The following RAI1 variants were observed in gnomAD, a reference collection of about 807,000 sequenced individuals.
The protein encoded by RAI1 is retinoic acid-induced protein 1.
RAI1 carries 9 observed loss-of-function variants against 123.8 expected under a neutral mutation model. The observed-to-expected ratio is 0.07, with a 90% CI of 0.04 to 0.13. The LOEUF (loss-of-function observed/expected upper bound fraction) is 0.13, where lower values mean the gene tolerates loss of function less well. Among genes scored for constraint, RAI1 ranks in the 10% least tolerant of loss-of-function variants. The pLI, the probability that RAI1 is intolerant of heterozygous loss-of-function variation, is 1.00. For synonymous variants in RAI1, 1,231 were observed against 1,127.3 expected (o/e 1.09, Z -1.84); for missense variants, 2,256 against 2,545.8 (o/e 0.89, Z 2.45).
At chr17:17,694,667 C>T (rs1206151999) in intron 1 of RAI1, among the ~76,000 whole-genome samples, 1 of 151,678 alleles carries the variant, frequency 6.6e-6, no homozygotes, top group Non-Finnish European at 1.5e-5. Flanking sequence ...GGAGCCTCCT[C>T]CGCGGTGGCG....
intron 4 of RAI1, among the ~76,000 whole-genome samples, chr17:17,807,886 G>A (rs2032625795): frequency 6.6e-6 from 1 of 152,202 alleles, no homozygotes; most frequent in African/African-American, 2.4e-5. Flanking sequence ...GCCCTGAATG[G>A]CAGTTTCCAG....
Position 17,794,875 on chromosome 17 carries a change from C to T in RAI1, c.1927C>T (p.Leu643=). ...GGACAGCAGCAAGCCACCCTTCTCG[C>T]TGGAGAACCACAGCGCCTGCCTGGA... ...VKDSSKPPFS[L]ENHSACLDSV... The change falls in exon 3 of 6, where the codon CTG becomes TTG. Residue 643 remains leucine (L), a synonymous_variant. Coordinates refer to ENST00000353383, the MANE Select transcript of RAI1 (RefSeq NM_030665.4). 6.2e-7 allele frequency: 1 copy of T among 1,613,370 alleles called. No individual in the cohort carries two copies. The highest frequency in any genetic ancestry group is 8.5e-7 in the Non-Finnish European group (1 of 1,179,974).
At position 17,792,967 on chromosome 17, in the gene RAI1, A is replaced by G. The variant is rs201842299; in HGVS notation, c.19A>G (p.Arg7Gly). MQSFRE[R>G]CGFHGKQQNY... ...CCGAGTCATGCAGTCTTTTCGAGAA[A>G]GGTGTGGTTTCCATGGCAAACAACA... is the stretch of plus-strand genomic sequence containing the variant. The change falls in exon 3 of 6, where the codon AGG (arginine) becomes GGG (glycine). Residue 7 changes from arginine (R) to glycine (G), a missense_variant. By Grantham distance (125) the Arg-to-Gly change is moderately radical. Transcript: ENST00000353383. The G allele has an allele frequency of 9.9e-6, 16 of 1,613,608 alleles. No individual in the cohort carries two copies. Among genetic ancestry groups the G allele is most frequent in the Non-Finnish European group, 1.4e-5 (16 of 1,179,734 alleles).
At chr17:17,741,785 G>A (rs1916645775) in intron 2 of RAI1, among the ~76,000 whole-genome samples, 1 of 152,248 alleles carries the variant, frequency 6.6e-6, no homozygotes, top group Non-Finnish European at 1.5e-5. Flanking sequence ...GGAAACAAAA[G>A]CACACTCCCC....
At position 17,685,114 on chromosome 17, in the gene RAI1, A is replaced by G. The variant is rs1469002632; in HGVS notation, c.-149+3321A>G. ...CCATGTTTGAAATGCATTGCTTTCC[A>G]CAGCTGCCTGTGGCCATGGCATGGG... On this transcript the variant is annotated intron_variant, in intron 1 of 5. Transcript: ENST00000353383. This position sits in a 1 kb window ranked among gnomAD's most constrained non-coding sequence, Gnocchi z 4.0. The G allele has an allele frequency of 1.3e-5, 2 of 152,222 alleles. No homozygotes were observed. The highest frequency in any genetic ancestry group is 4.8e-5 in the African/African-American group (2 of 41,442). The allele number at this position is 152,222 out of a possible 1,614,324, so 9.4% of individuals were successfully genotyped here.
rs924205083 is a variant in RAI1 at position 17,793,368 on chromosome 17, G to A, written c.420G>A (p.Lys140=). The A allele has an allele frequency of 1.2e-6, 2 of 1,613,242 alleles. No homozygotes were observed. Among genetic ancestry groups the A allele is most frequent in the Non-Finnish European group, 1.7e-6 (2 of 1,179,874 alleles). ...AGCCACTACCTGCAGGGGTGGCCAAGTATGATGAGAACTTGATGAAAAAGA... is the reference window on the plus strand; with the variant it reads ...AGCCACTACCTGCAGGGGTGGCCAAATATGATGAGAACTTGATGAAAAAGA... The part of the protein sequence containing the change: ...QPQPLPAGVA[K]YDENLMKKTA... Residue 140 remains lysine (K), a synonymous_variant, in exon 3 of 6, where the codon AAG becomes AAA. Transcript: ENST00000353383.
intron 2 of RAI1, among the ~76,000 whole-genome samples, chr17:17,767,515 AGTTT>A (rs997505957): frequency 1.3e-5 from 2 of 152,034 alleles, no homozygotes; most frequent in Admixed American, 1.3e-4. Flanking sequence ...ATTTCCACCC[AGTTT>A]GTTTAAGAAA....
Position 17,799,441 on chromosome 17 carries a change from G to A in RAI1, c.5565+928G>A, listed in dbSNP as rs145554921. Among the ~76,000 whole-genome samples the A allele has an allele frequency of 3.6e-3, 546 of 152,230 alleles. 5 individuals are homozygous for A. The highest frequency in any genetic ancestry group is 0.025 in the South Asian group (119 of 4,822). On this transcript the variant is annotated intron_variant, in intron 3 of 5. Coordinates refer to ENST00000353383, the MANE Select transcript of RAI1 (RefSeq NM_030665.4). This position sits in a 1 kb window ranked among gnomAD's most constrained non-coding sequence, Gnocchi z 4.5. ...GCCCTTCTGAGGGAGGGGTCAGTGG[G>A]GGCGGTGGGGTGCACCTCTCCCCCG...
intron 2 of RAI1, among the ~76,000 whole-genome samples, chr17:17,775,479 T>C (rs533491622): frequency 2.0e-5 from 3 of 152,234 alleles, no homozygotes; most frequent in East Asian, 1.9e-4. Flanking sequence ...GCTGGAATTA[T>C]AGGTGTGAGC....
chr17:17,789,783 C>G (rs1410164211), intron 2 of RAI1, among the ~76,000 whole-genome samples: 1 of 152,166 alleles, frequency 6.6e-6, no homozygotes, highest in Non-Finnish European at 1.5e-5. Flanking sequence ...AAGGCCTGGA[C>G]CAAGTGTCTG....
At chr17:17,754,622 T>C (rs892063558) in intron 2 of RAI1, among the ~76,000 whole-genome samples, 6 of 152,220 alleles carry the variant, frequency 3.9e-5, no homozygotes, top group Admixed American at 3.9e-4. Context: ...TTATGTGCCT[T>C]AGCCATGGGA....
intron 2 of RAI1, chr17:17,777,750 G>A (rs1450612533): frequency 6.6e-6 from 1 of 152,238 alleles, no homozygotes; most frequent in East Asian, 1.9e-4. Flanking sequence ...GTGCCAGTGG[G>A]GAAACTGAGG....
intron 2 of RAI1, among the ~76,000 whole-genome samples, chr17:17,749,794 C>T (rs1306539954): frequency 6.6e-6 from 1 of 152,202 alleles, no homozygotes. Flanking sequence ...GGGGAGTTCC[C>T]CTACCTTCTG....
chr17:17,739,209 C>G (rs183752947), intron 2 of RAI1, among the ~76,000 whole-genome samples: 1 of 152,276 alleles, frequency 6.6e-6, no homozygotes, highest in East Asian at 1.9e-4. Flanking sequence ...AGGAGCCAAG[C>G]TCTGCAAGGC....
intron 1 of RAI1, chr17:17,683,536 C>G (rs2142849224): frequency 6.6e-6 from 1 of 152,390 alleles, no homozygotes; most frequent in South Asian, 2.1e-4. Context: ...ACCCCTCCCC[C>G]TCTTGACAGG....
intron 2 of RAI1, among the ~76,000 whole-genome samples, chr17:17,771,700 C>G (rs2031164693): frequency 6.6e-6 from 1 of 152,192 alleles, no homozygotes; most frequent in South Asian, 2.1e-4. Flanking sequence ...TGGGGTTGAT[C>G]CACCATCAAA....
chr17:17,783,050 A>T (rs1318170829), intron 2 of RAI1, among the ~76,000 whole-genome samples: 1 of 137,180 alleles, frequency 7.3e-6, no homozygotes, highest in African/African-American at 2.8e-5. Context: ...CGGGAGAATC[A>T]GGGAGATGAA....
chr17:17,771,660 C>T (rs2031163610), intron 2 of RAI1, among the ~76,000 whole-genome samples: 1 of 152,192 alleles, frequency 6.6e-6, no homozygotes. Flanking sequence ...CCTTTGTTTC[C>T]CAGCAAGGGG....
chr17:17,728,123 G>A (rs994452504), intron 2 of RAI1, among the ~76,000 whole-genome samples: 34 of 152,146 alleles, frequency 2.2e-4, no homozygotes, highest in African/African-American at 8.0e-4. Context: ...ATTTCTGGGG[G>A]GAAGGGAGGG....
Sources: gnomAD v4.1 joint callset for allele counts (sites outside exome capture counted in the v4.1 genomes callset) on GRCh38, gnomAD v4.1.1 for gene constraint, Gnocchi (gnomAD v3.1) non-coding constraint, MANE v1.5 for transcripts, NCBI Gene and HGNC (gene_info 2026-07-23, HGNC 2026-07-21) for gene names.